IL1R1: variants seen among roughly 807,000 people sequenced by gnomAD.
IL1R1 encodes the protein interleukin 1 receptor type 1.
A neutral mutation model predicts 50.2 loss-of-function variants in IL1R1; 22 were observed. The observed-to-expected ratio is 0.44, with a 90% CI of 0.31 to 0.63. The LOEUF is 0.63. IL1R1 is among the 20% of genes least tolerant of loss of function. The probability of loss-of-function intolerance (pLI) is 0.07; values close to 1 mark genes in which losing one functional copy is unlikely to be tolerated. For synonymous variants in IL1R1, 251 were observed against 236.7 expected (o/e 1.06, Z -0.55); for missense variants, 509 against 676.2 (o/e 0.75, Z 2.74).
In IL1R1 at chr2:102,178,740, T is replaced by C; in HGVS notation, c.*1981T>C. On this transcript the variant is annotated 3_prime_UTR_variant, in exon 12 of 12. Transcript: ENST00000410023. ...TAGATTTTATGAAAAACTCTTCTACTTTCATCTATTCTTTCCCTAGAGGCA... is the reference window on the plus strand; with the variant it reads ...TAGATTTTATGAAAAACTCTTCTACCTTCATCTATTCTTTCCCTAGAGGCA... The C allele has an allele frequency of 6.6e-6, 1 of 152,366 alleles. No homozygotes were observed. The highest frequency in any genetic ancestry group is 1.5e-5 in the Non-Finnish European group (1 of 68,040). The allele number at this position is 152,366 out of a possible 1,614,324, so 9.4% of individuals were successfully genotyped here.
chr2:102,112,967 A>G (rs1274557801), intron 1 of IL1R1, among the ~76,000 whole-genome samples: 4 of 152,212 alleles, frequency 2.6e-5, no homozygotes, highest in Non-Finnish European at 4.4e-5. Context: ...CCATGTGAGG[A>G]TACAATGAGA....
upstream of IL1R1, among the ~76,000 whole-genome samples, chr2:102,138,075 G>A (rs1682442163): frequency 6.6e-6 from 1 of 152,186 alleles, no homozygotes; most frequent in South Asian, 2.1e-4. Flanking sequence ...ATATGATGGA[G>A]AACAGAGGTT....
At chr2:102,114,126 G>A (rs1680935341) in intron 1 of IL1R1, among the ~76,000 whole-genome samples, 1 of 152,158 alleles carries the variant, frequency 6.6e-6, no homozygotes. Flanking sequence ...CCACTTCTAA[G>A]AGTTATCCAA....
In IL1R1 at chr2:102,165,234, G is replaced by A; in HGVS notation, c.416G>A (p.Gly139Glu). The change falls in exon 5 of 12, where the codon GGA becomes GAA. Residue 139 changes from glycine (G) to glutamate (E), a missense_variant. Physicochemically the swap from Gly to Glu is moderately conservative, Grantham distance 98 (BLOSUM62 -2). Coordinates refer to ENST00000410023, the MANE Select transcript of IL1R1 (RefSeq NM_000877.4). ...KQKLPVAGDGGLVCPYMEFFK... is the reference protein window; with the variant it reads ...KQKLPVAGDGELVCPYMEFFK... ...AAACTACCCGTTGCAGGAGACGGAGGACTTGTGTGCCCTTATATGGAGTTT... is the reference window on the plus strand; with the variant it reads ...AAACTACCCGTTGCAGGAGACGGAGAACTTGTGTGCCCTTATATGGAGTTT... 6.2e-7 allele frequency: 1 copy of A among 1,609,020 alleles called. No individual in the cohort carries two copies. The highest frequency in any genetic ancestry group is 8.5e-7 in the Non-Finnish European group (1 of 1,178,270).
At chr2:102,085,364 G>A (rs746316114) in intron 1 of IL1R1, among the ~76,000 whole-genome samples, 1 of 152,072 alleles carries the variant, frequency 6.6e-6, no homozygotes, top group African/African-American at 2.4e-5. Context: ...ATTCAGATCT[G>A]CAGACCAACA....
intron 7 of IL1R1, 38 bp downstream of exon 7, chr2:102,168,701 T>A: frequency 6.8e-7 from 1 of 1,468,088 alleles, no homozygotes. Context: ...GGAATCGGTT[T>A]TTTTTTTTTA....
intron 7 of IL1R1, 45 bp from the exon 8 acceptor site, chr2:102,171,756 A>G (rs1685691300): frequency 1.7e-6 from 2 of 1,143,554 alleles, no homozygotes; most frequent in African/African-American, 1.5e-5. Context: ...TAGATAGATC[A>G]GAAAAAATCA....
chr2:102,171,802 A>T lies in IL1R1; in HGVS notation c.723A>T (p.Gly241=). 1 of 1,558,092 alleles carries T rather than the reference A, an allele frequency of 6.4e-7. No individual in the cohort carries two copies. Among genetic ancestry groups the T allele is most frequent in the Non-Finnish European group, 8.8e-7 (1 of 1,133,258 alleles). Residue 241 remains glycine, a splice_region_variant and synonymous_variant, in exon 8 of 12, where the codon GGA becomes GGT. Transcript: ENST00000410023. ...PANETMEVDL[G]SQIQLICNVT... ...AGATTAAAAATACATTCTTTGCAGG[A>T]TCCCAGATACAATTGATCTGTAATG...
In IL1R1 at chr2:102,176,377, A is replaced by C. The variant is rs748627338; in HGVS notation, c.1328A>C (p.Asn443Thr). 1 of 1,613,976 alleles carries C rather than the reference A, an allele frequency of 6.2e-7. No homozygotes were observed. Among genetic ancestry groups the C allele is most frequent in the South Asian group, 1.1e-5 (1 of 91,020 alleles). ...GACATTGTTGAGGTCATTAATGAAA[A>C]CGTAAAGAAAAGCAGAAGACTGATT... ...GEDIVEVINE[N>T]VKKSRRLIII... Residue 443 changes from asparagine (N) to threonine (T), a missense_variant, in exon 12 of 12, where the codon AAC becomes ACC. Asn to Thr is a moderately conservative substitution (Grantham distance 65). Transcript: ENST00000410023.
At chr2:102,110,171 C>T (rs1383202297) in intron 1 of IL1R1, among the ~76,000 whole-genome samples, 2 of 152,136 alleles carry the variant, frequency 1.3e-5, no homozygotes, top group African/African-American at 4.8e-5. Context: ...TTTCTTCCAC[C>T]TCTTTTGCAC....
intron 8 of IL1R1, chr2:102,172,144 C>A (rs1246012270): frequency 5.0e-6 from 2 of 398,234 alleles, no homozygotes; most frequent in East Asian, 1.7e-4. Context: ...CACTTAGAAG[C>A]CTTTCTCTTA....
rs201278803 is a variant in IL1R1 at position 102,164,966 on chromosome 2, C to T, written c.254C>T (p.Pro85Leu). ...HQHKEKLWFV[P>L]AKVEDSGHYY... The stretch of plus-strand genomic sequence containing the variant: ...CACAAAGAGAAACTTTGGTTTGTTC[C>T]TGCTAAGGTGGAGGATTCAGGACAT... Residue 85 changes from proline (P) to leucine (L), a missense_variant, in exon 4 of 12, where the codon CCT (proline) becomes CTT (leucine). Coordinates refer to ENST00000410023, the MANE Select transcript of IL1R1 (RefSeq NM_000877.4). 2 of 1,614,088 alleles carry T rather than the reference C, an allele frequency of 1.2e-6. No homozygotes were observed. Among genetic ancestry groups the T allele is most frequent in the South Asian group, 1.1e-5 (1 of 91,078 alleles).
intron 1 of IL1R1, among the ~76,000 whole-genome samples, chr2:102,084,572 C>T (rs1474883926): frequency 6.6e-6 from 1 of 152,120 alleles, no homozygotes; most frequent in Non-Finnish European, 1.5e-5. Context: ...TCATCATGGG[C>T]AACTAAATTA....
intron 1 of IL1R1, among the ~76,000 whole-genome samples, chr2:102,120,919 C>T (rs560107075): frequency 2.6e-5 from 4 of 152,260 alleles, no homozygotes; most frequent in East Asian, 1.9e-4. Flanking sequence ...GGTCCACATC[C>T]GGGTTTTTAG....
intron 8 of IL1R1, chr2:102,172,440 T>A: frequency 1.0e-6 from 1 of 985,064 alleles, no homozygotes; most frequent in Non-Finnish European, 1.2e-6. Context: ...TTGTCTACAT[T>A]TTTCTTCTTG....
intron 7 of IL1R1, 83 bp downstream of exon 7, chr2:102,168,746 T>C: frequency 1.1e-6 from 1 of 949,196 alleles, no homozygotes; most frequent in Non-Finnish European, 1.6e-6. Flanking sequence ...ATCTTTACTA[T>C]ATATAATCTA....
At chr2:102,101,500 A>T (rs1281541381), upstream of IL1R1, among the ~76,000 whole-genome samples, 1 of 152,202 alleles carries the variant, frequency 6.6e-6, no homozygotes, top group African/African-American at 2.4e-5. Context: ...ACATGCACAC[A>T]CATACACACA....
At chr2:102,139,405 C>T (rs899207027), upstream of IL1R1, among the ~76,000 whole-genome samples, 1 of 152,226 alleles carries the variant, frequency 6.6e-6, no homozygotes, top group Non-Finnish European at 1.5e-5. Flanking sequence ...TTGCTATGAC[C>T]CTGGTGGTGT....
At chr2:102,079,633 C>G (rs1202529666) in intron 1 of IL1R1, among the ~76,000 whole-genome samples, 1 of 152,042 alleles carries the variant, frequency 6.6e-6, no homozygotes, top group Non-Finnish European at 1.5e-5. Context: ...GTTCATGAAT[C>G]AGAAGACTTA....
Sources: gnomAD v4.1 joint callset for allele counts (sites outside exome capture counted in the v4.1 genomes callset) on GRCh38, gnomAD v4.1.1 for gene constraint, MANE v1.5 for transcripts, NCBI Gene and HGNC (gene_info 2026-07-23, HGNC 2026-07-21) for gene names.